UBE2E2: variants seen among roughly 807,000 people sequenced by gnomAD.
UBE2E2 encodes ubiquitin conjugating enzyme E2 E2.
UBE2E2 carries 6 observed loss-of-function variants against 24.7 expected under a neutral mutation model. The observed-to-expected ratio is 0.24, with a 90% CI of 0.13 to 0.48. UBE2E2 has a LOEUF of 0.48. UBE2E2 is among the 20% of genes least tolerant of loss of function. The pLI is 0.99. For synonymous variants in UBE2E2, 104 were observed against 83.6 expected, an observed-to-expected ratio of 1.24 and a Z score of -1.33; for missense variants, 169 against 245.0, an observed-to-expected ratio of 0.69 and a Z score of 2.07.
chr3:23,448,703 CCTTT>C (rs1333210800), intron 3 of UBE2E2, among the ~76,000 whole-genome samples: 1 of 152,050 alleles, frequency 6.6e-6, no homozygotes, highest in Non-Finnish European at 1.5e-5. Context: ...GGTTATGTTT[CCTTT>C]CTTTATCCTC....
At chr3:23,211,390 A>G (rs961913731) in intron 2 of UBE2E2, among the ~76,000 whole-genome samples, 1 of 149,372 alleles carries the variant, frequency 6.7e-6, no homozygotes, top group African/African-American at 2.5e-5. Flanking sequence ...AGCATTTAGT[A>G]GCTATAGCTC....
chr3:23,485,915 G>A (rs1261332641), intron 3 of UBE2E2, among the ~76,000 whole-genome samples: 1 of 152,218 alleles, frequency 6.6e-6, no homozygotes, highest in Non-Finnish European at 1.5e-5. Context: ...AGGTCAAGGA[G>A]GAGGTGAGCC....
At chr3:23,467,406 T>C (rs1409385633) in intron 3 of UBE2E2, among the ~76,000 whole-genome samples, 1 of 152,352 alleles carries the variant, frequency 6.6e-6, no homozygotes, top group East Asian at 1.9e-4. Context: ...ATGTGAATTT[T>C]GGAATCCAAC....
At chr3:23,203,514 C>G (rs112911738) in intron 1 of UBE2E2, 50 bp downstream of exon 1, 31,279 of 966,992 alleles carry the variant, frequency 0.032, 535 homozygotes, top group Non-Finnish European at 0.036. Flanking sequence ...CGTCCTCCCT[C>G]TCGCTGACGT....
chr3:23,259,229 G>T (rs955207310), intron 3 of UBE2E2, among the ~76,000 whole-genome samples: 1 of 152,096 alleles, frequency 6.6e-6, no homozygotes, highest in South Asian at 2.1e-4. Context: ...GTATATGTGT[G>T]TGTGCGTTTG....
chr3:23,319,893 G>A (rs559200374), intron 3 of UBE2E2, among the ~76,000 whole-genome samples: 2 of 152,186 alleles, frequency 1.3e-5, no homozygotes, highest in Admixed American at 6.5e-5. Context: ...GTTGACAGAT[G>A]GTTCTTCTCT....
intron 3 of UBE2E2, among the ~76,000 whole-genome samples, chr3:23,416,714 A>G (rs1050080697): frequency 6.6e-6 from 1 of 152,072 alleles, no homozygotes; most frequent in Admixed American, 6.6e-5. Flanking sequence ...GTCTTTTCAC[A>G]TAGTCCCATA....
intron 3 of UBE2E2, among the ~76,000 whole-genome samples, chr3:23,349,570 C>G (rs1348627342): frequency 6.6e-6 from 1 of 152,220 alleles, no homozygotes; most frequent in Non-Finnish European, 1.5e-5. Flanking sequence ...AACGGCGCAC[C>G]AGGAGATTAT....
At chr3:23,545,082 C>T (rs1327320648) in intron 5 of UBE2E2, among the ~76,000 whole-genome samples, 3 of 152,254 alleles carry the variant, frequency 2.0e-5, no homozygotes, top group Non-Finnish European at 4.4e-5. Flanking sequence ...GTAGATGGAA[C>T]TTACAATCGA....
chr3:23,440,796 GA>G (rs945745958), intron 3 of UBE2E2, among the ~76,000 whole-genome samples: 1 of 151,994 alleles, frequency 6.6e-6, no homozygotes, highest in South Asian at 2.1e-4. Context: ...TAAAAAAAAA[GA>G]AAAAAAGTGT....
intron 3 of UBE2E2, among the ~76,000 whole-genome samples, chr3:23,479,309 T>C (rs1699203675): frequency 6.6e-6 from 1 of 152,176 alleles, no homozygotes; most frequent in Admixed American, 6.5e-5. Context: ...GGCAGCTCCA[T>C]GCAAGACTGT....
At chr3:23,494,749 G>A (rs917161405) in intron 3 of UBE2E2, among the ~76,000 whole-genome samples, 1 of 151,350 alleles carries the variant, frequency 6.6e-6, no homozygotes, top group African/African-American at 2.4e-5. Flanking sequence ...TTTTTTTTGA[G>A]AGTCTCACTC....
intron 5 of UBE2E2, among the ~76,000 whole-genome samples, chr3:23,565,718 G>C (rs1210986379): frequency 6.6e-6 from 1 of 152,060 alleles, no homozygotes; most frequent in East Asian, 1.9e-4. Flanking sequence ...CCCACAATAA[G>C]CAGTTGGTCT....
At chr3:23,429,424 C>T (rs926189472) in intron 3 of UBE2E2, among the ~76,000 whole-genome samples, 1 of 152,096 alleles carries the variant, frequency 6.6e-6, no homozygotes, top group Admixed American at 6.6e-5. Context: ...TGTGTAGAAA[C>T]AACTATACAC....
At chr3:23,526,854 T>G (rs1196293287) in intron 4 of UBE2E2, among the ~76,000 whole-genome samples, 1 of 152,186 alleles carries the variant, frequency 6.6e-6, no homozygotes, top group Non-Finnish European at 1.5e-5. Flanking sequence ...TATAAAATAT[T>G]CAAGTTTAAA....
chr3:23,301,054 C>A (rs1181177485), intron 3 of UBE2E2, among the ~76,000 whole-genome samples: 1 of 152,094 alleles, frequency 6.6e-6, no homozygotes, highest in Non-Finnish European at 1.5e-5. Context: ...TCACTGATAC[C>A]CTTTCTTCCA....
intron 3 of UBE2E2, 75 bp downstream of exon 3, chr3:23,217,387 CTGT>C (rs1348549289): frequency 7.5e-6 from 10 of 1,326,894 alleles, no homozygotes; most frequent in Middle Eastern, 1.8e-4. Flanking sequence ...TTATATGCAG[CTGT>C]TGTTGTAGTC....
chr3:23,587,773 G>T (rs1470657516), intron 5 of UBE2E2, among the ~76,000 whole-genome samples: 1 of 152,210 alleles, frequency 6.6e-6, no homozygotes, highest in Non-Finnish European at 1.5e-5. Flanking sequence ...TTTAAATCTT[G>T]TTGAATCTTG....
intron 3 of UBE2E2, among the ~76,000 whole-genome samples, chr3:23,349,317 G>T (rs898111002): frequency 6.6e-5 from 10 of 152,224 alleles, no homozygotes; most frequent in African/African-American, 2.4e-4. Context: ...CAGAAGACGG[G>T]TGATTTCTGC....
Sources: gnomAD v4.1 joint callset for allele counts (sites outside exome capture counted in the v4.1 genomes callset) on GRCh38, gnomAD v4.1.1 for gene constraint, MANE v1.5 for transcripts, NCBI Gene and HGNC (gene_info 2026-07-23, HGNC 2026-07-21) for gene names.